The following SLC28A3 variants were observed in gnomAD, a reference collection of about 807,000 sequenced individuals.
SLC28A3 encodes the protein solute carrier family 28 member 3.
In SLC28A3, 68 loss-of-function variants were observed where a neutral mutation model predicts 84.2. That is an observed-to-expected ratio of 0.81 (90% CI 0.66 to 0.99). The LOEUF is 0.99. Among genes scored for constraint, SLC28A3 ranks in the 50% least tolerant of loss-of-function variants. The pLI is 0.00. For synonymous variants in SLC28A3, 267 were observed against 303.6 expected (o/e 0.88, Z 1.25); for missense variants, 712 against 841.5 (o/e 0.85, Z 1.90).
chr9:84,290,018 T>C, intron 11 of SLC28A3, 136 bp downstream of exon 11: 1 of 1,184,496 alleles, frequency 8.4e-7, no homozygotes, highest in Non-Finnish European at 1.1e-6. Flanking sequence ...CCAAAGCAAC[T>C]GTGACCAACT....
At chr9:84,320,494 C>A (rs898379082) in intron 1 of SLC28A3, among the ~76,000 whole-genome samples, 2 of 152,132 alleles carry the variant, frequency 1.3e-5, no homozygotes, top group East Asian at 3.9e-4. Flanking sequence ...TGATATCACA[C>A]TTTATTATTT....
At chr9:84,286,202 T>G (rs1824980542) in intron 12 of SLC28A3, 91 bp from the exon 13 acceptor site, 3 of 1,298,980 alleles carry the variant, frequency 2.3e-6, no homozygotes, top group Non-Finnish European at 3.2e-6. Context: ...AGAGCTTAGA[T>G]AAGAGACAAA....
rs559069372 is a variant in SLC28A3, at chr9:84,280,177, T to C, written c.1730-104A>G. ...AGGCTGGGCTCAGGTCAGCTGACTT[T>C]TTTTTTTTTTTCTTTAACTTAGCTG... On this transcript the variant is annotated intron_variant, in intron 15 of 17. Coordinates refer to ENST00000376238, the MANE Select transcript of SLC28A3 (RefSeq NM_001199633.2). 9 of 940,328 alleles carry C rather than the reference T, an allele frequency of 9.6e-6. No homozygotes were observed. In the East Asian group the frequency reaches 2.2e-4, roughly 23 times the overall value. 58.2% of individuals were successfully genotyped at this position (940,328 alleles called of 1,614,324 possible). A position where few individuals can be genotyped will look rare whatever the true frequency, so the allele number is the denominator to read the frequency against.
chr9:84,326,471 C>A (rs1283724735), intron 1 of SLC28A3, among the ~76,000 whole-genome samples: 1 of 152,104 alleles, frequency 6.6e-6, no homozygotes, highest in Non-Finnish European at 1.5e-5. Context: ...TTTTCTGAAA[C>A]CTCCCTGCAG....
the SLC28A3 span, among the ~76,000 whole-genome samples, chr9:84,359,809 T>C: frequency 6.6e-6 from 1 of 151,954 alleles, no homozygotes; most frequent in Non-Finnish European, 1.5e-5. Flanking sequence ...GAGACCAGCC[T>C]GGGCAATGTG....
rs377170633 is a variant in SLC28A3, at chr9:84,299,584, G to A, written c.666C>T (p.Thr222=). 6.2e-7 allele frequency: 1 copy of A among 1,613,860 alleles called. No individual in the cohort carries two copies. Among genetic ancestry groups the A allele is most frequent in the Non-Finnish European group, 8.5e-7 (1 of 1,179,914 alleles). The change falls in exon 6 of 18, where the codon ACC becomes ACT. Residue 222 remains threonine (T), a synonymous_variant. Transcript: ENST00000376238. ...AAAAGATCAACTGGATACTTACTCT[G>A]GTTGGGTACTTGGAAAATAGAAATA... ...VLLFLFSKYP[T]RVYWRPVLWG...
At chr9:84,333,846 A>C (rs1400945688) in intron 1 of SLC28A3, among the ~76,000 whole-genome samples, 1 of 152,262 alleles carries the variant, frequency 6.6e-6, no homozygotes, top group Non-Finnish European at 1.5e-5. Context: ...CATGGATAAC[A>C]GTGTCCCTAG....
chr9:84,325,038 T>A (rs1004713708), intron 1 of SLC28A3, among the ~76,000 whole-genome samples: 1 of 152,234 alleles, frequency 6.6e-6, no homozygotes, highest in African/African-American at 2.4e-5. Flanking sequence ...AATTTACAAA[T>A]GTAGTTTTAA....
At chr9:84,337,487 C>T (rs572765279) in intron 1 of SLC28A3, among the ~76,000 whole-genome samples, 16 of 151,848 alleles carry the variant, frequency 1.1e-4, no homozygotes, top group Admixed American at 9.2e-4. Flanking sequence ...TGTTTGCACA[C>T]GTGTGTGTGT....
At chr9:84,280,727 A>G in intron 15 of SLC28A3, 74 bp downstream of exon 15, 1 of 1,471,310 alleles carries the variant, frequency 6.8e-7, no homozygotes, top group Middle Eastern at 1.7e-4. Flanking sequence ...CTGACATAAC[A>G]GTACAGAGCA....
intron 10 of SLC28A3, among the ~76,000 whole-genome samples, chr9:84,291,227 A>C (rs7047476): frequency 0.059 from 8,925 of 152,278 alleles, 846 homozygotes; most frequent in African/African-American, 0.2. Flanking sequence ...TGGTGCCCTA[A>C]TTAGTCCTGA....
At chr9:84,340,486 C>G in intron 1 of SLC28A3, 88 bp downstream of exon 1, 1 of 1,369,320 alleles carries the variant, frequency 7.3e-7, no homozygotes. Flanking sequence ...GATAATCTCC[C>G]TGCTTAGGTA....
intron 1 of SLC28A3, among the ~76,000 whole-genome samples, chr9:84,336,475 G>A (rs144520866): frequency 0.012 from 1,761 of 152,302 alleles, 35 homozygotes; most frequent in African/African-American, 0.04. Flanking sequence ...CTGCACTCCA[G>A]TCTGGGCGAC....
upstream of SLC28A3, among the ~76,000 whole-genome samples, chr9:84,342,127 C>CAAA (rs200186519): frequency 1.5e-4 from 10 of 68,754 alleles, no homozygotes; most frequent in African/African-American, 5.9e-4. Flanking sequence ...GACCCTGTCT[C>CAAA]AAAAAAAAAA....
chr9:84,289,818 A>G (rs1825140981), intron 11 of SLC28A3: 1 of 179,034 alleles, frequency 5.6e-6, no homozygotes, highest in Admixed American at 5.6e-5. Context: ...CATGGGCCAT[A>G]GTTTACTGAC....
intron 1 of SLC28A3, among the ~76,000 whole-genome samples, chr9:84,316,976 G>A (rs769068102): frequency 2.0e-5 from 3 of 150,850 alleles, no homozygotes; most frequent in Admixed American, 6.6e-5. Flanking sequence ...ACTCCAGCCC[G>A]GGCGACAGAG....
chr9:84,282,926 C>T (rs116533963), intron 14 of SLC28A3, among the ~76,000 whole-genome samples: 3 of 152,284 alleles, frequency 2.0e-5, no homozygotes, highest in Non-Finnish European at 2.9e-5. Flanking sequence ...TTTCCATCAG[C>T]GCGCATATAG....
At chr9:84,365,759 T>C in the SLC28A3 span, among the ~76,000 whole-genome samples, 4 of 152,176 alleles carry the variant, frequency 2.6e-5, no homozygotes, top group African/African-American at 9.7e-5. Flanking sequence ...CAAGATTGGG[T>C]GTGCTCGAAG....
intron 6 of SLC28A3, among the ~76,000 whole-genome samples, chr9:84,298,938 A>G (rs1173454324): frequency 1.3e-5 from 2 of 152,170 alleles, no homozygotes; most frequent in African/African-American, 4.8e-5. Flanking sequence ...GGCATAGACA[A>G]TGGAGATGTT....
Sources: gnomAD v4.1 joint callset for allele counts (sites outside exome capture counted in the v4.1 genomes callset) on GRCh38, gnomAD v4.1.1 for gene constraint, MANE v1.5 for transcripts, NCBI Gene and HGNC (gene_info 2026-07-23, HGNC 2026-07-21) for gene names.